Variants in PCGF5 observed in about 807,000 individuals in gnomAD.
PCGF5 encodes the protein polycomb group RING finger protein 5.
Under a neutral mutation model 44.3 loss-of-function variants are expected in PCGF5, and 9 were observed. The observed-to-expected ratio is 0.20, with a 90% CI of 0.12 to 0.35. The LOEUF (loss-of-function observed/expected upper bound fraction) is 0.35. PCGF5 is among the 10% of genes least tolerant of loss of function. The probability of loss-of-function intolerance (pLI) is 1.00; values close to 1 mark genes in which losing one functional copy is unlikely to be tolerated. For synonymous variants in PCGF5, 95 were observed against 102.5 expected, an observed-to-expected ratio of 0.93 and a Z score of 0.44; for missense variants, 146 against 305.3, an observed-to-expected ratio of 0.48 and a Z score of 3.89.
At chr10:91,202,091 G>A (rs754243577) in intron 1 of PCGF5, among the ~76,000 whole-genome samples, 37 of 152,168 alleles carry the variant, frequency 2.4e-4, no homozygotes, top group Admixed American at 1.2e-3. Context: ...TTCCCAAATT[G>A]AGAAGAATAA....
chr10:91,222,795 G>A lies in PCGF5; in HGVS notation c.-77G>A, dbSNP rs952104427. The stretch of plus-strand genomic sequence containing the variant: ...ACATCCTACTGGGAACGACACACCA[G>A]CTCCTGGGATCAGACTTTCATCTAC... On this transcript the variant is annotated 5_prime_UTR_variant, in exon 2 of 10. Coordinates refer to ENST00000336126, the MANE Select transcript of PCGF5 (RefSeq NM_032373.5). The A allele has an allele frequency of 6.2e-6, 5 of 801,030 alleles. No individual in the cohort carries two copies. Among genetic ancestry groups the A allele is most frequent in the Non-Finnish European group, 1.1e-5 (5 of 472,636 alleles). The allele number at this position is 801,030 out of a possible 1,614,324, so 49.6% of individuals were successfully genotyped here.
chr10:91,256,637 G>A (rs1436039431), intron 6 of PCGF5, among the ~76,000 whole-genome samples: 1 of 151,990 alleles, frequency 6.6e-6, no homozygotes, highest in Non-Finnish European at 1.5e-5. Flanking sequence ...TTCATACCTA[G>A]GCACATCATA....
At chr10:91,221,885 A>C (rs1354203581) in intron 1 of PCGF5, among the ~76,000 whole-genome samples, 1 of 152,222 alleles carries the variant, frequency 6.6e-6, no homozygotes, top group Admixed American at 6.5e-5. Flanking sequence ...GGAAAGAAGT[A>C]AGCATTAAAA....
chr10:91,183,380 G>A (rs1564627284), intron 1 of PCGF5, among the ~76,000 whole-genome samples: 1 of 150,464 alleles, frequency 6.6e-6, no homozygotes, highest in East Asian at 1.9e-4. Flanking sequence ...TTGTTTTAAA[G>A]TCTGTTTTGG....
intron 2 of PCGF5, among the ~76,000 whole-genome samples, chr10:91,229,605 TA>T (rs1844946031): frequency 6.6e-6 from 1 of 152,170 alleles, no homozygotes. Flanking sequence ...CTTTATTTTC[TA>T]AAAATTTTTA....
At chr10:91,238,601 CTTTTTTTTTTTTT>C (rs71487496) in intron 2 of PCGF5, among the ~76,000 whole-genome samples, 223 of 58,506 alleles carry the variant, frequency 3.8e-3, no homozygotes, top group African/African-American at 0.014. Context: ...TTCTTTCTTT[CTTTTTTTTTTTTT>C]TTTTTTTTTT....
At chr10:91,160,272 A>G (rs1171576929), upstream of PCGF5, among the ~76,000 whole-genome samples, 1 of 152,114 alleles carries the variant, frequency 6.6e-6, no homozygotes, top group Admixed American at 6.6e-5. Context: ...GGGCGTTGGG[A>G]TTTGGGCGAA....
chr10:91,240,623 T>C, intron 3 of PCGF5, 43 bp downstream of exon 3: 1 of 1,279,226 alleles, frequency 7.8e-7, no homozygotes, highest in Non-Finnish European at 1.1e-6. Flanking sequence ...TTACATAAAT[T>C]GAATAGGCTC....
chr10:91,159,991 T>C (rs772016172), upstream of PCGF5, among the ~76,000 whole-genome samples: 1 of 152,220 alleles, frequency 6.6e-6, no homozygotes, highest in East Asian at 1.9e-4. Context: ...ATCATATCTA[T>C]ATTTAATACG....
chr10:91,193,914 C>T (rs545518191), intron 1 of PCGF5, among the ~76,000 whole-genome samples: 1 of 152,050 alleles, frequency 6.6e-6, no homozygotes, highest in Admixed American at 6.5e-5. Context: ...GTGTTAAAGA[C>T]GAAGTCCATT....
At chr10:91,190,749 C>A (rs938327700) in intron 1 of PCGF5, among the ~76,000 whole-genome samples, 1 of 152,170 alleles carries the variant, frequency 6.6e-6, no homozygotes, top group Admixed American at 6.5e-5. Flanking sequence ...AACAAATGAG[C>A]TGTTGCTTTA....
chr10:91,156,611 G>C, the PCGF5 span, among the ~76,000 whole-genome samples: 1 of 152,168 alleles, frequency 6.6e-6, no homozygotes, highest in African/African-American at 2.4e-5. Context: ...GCCCGAGTCA[G>C]AGATTGCCTG....
At position 91,181,354 on chromosome 10, in the gene PCGF5, G is replaced by A. The variant is rs1441887905; in HGVS notation, c.-184+18273G>A. Among the ~76,000 whole-genome samples the A allele has an allele frequency of 5.3e-5, 8 of 152,080 alleles. No homozygotes were observed. In the South Asian group the frequency reaches 6.2e-4, roughly 12 times the overall value. On this transcript the variant is annotated intron_variant, in intron 1 of 9. Transcript: ENST00000614189. ...TATTTGAATGCACTTTATTTCTTTC[G>A]GTTGTCTAATTGCCCTGGCCGGAAC...
intron 1 of PCGF5, among the ~76,000 whole-genome samples, chr10:91,208,952 G>A (rs1263806229): frequency 6.6e-6 from 1 of 152,212 alleles, no homozygotes; most frequent in African/African-American, 2.4e-5. Context: ...CTCTACAGGA[G>A]TGTGAGCTTT....
chr10:91,262,770 G>A (rs1845954253), intron 7 of PCGF5, among the ~76,000 whole-genome samples: 1 of 152,168 alleles, frequency 6.6e-6, no homozygotes, highest in Non-Finnish European at 1.5e-5. Flanking sequence ...AAAGCCCAAT[G>A]TACTTGGTAA....
In PCGF5 at chr10:91,278,568, A is replaced by C; in HGVS notation, c.*252A>C. On this transcript the variant is annotated 3_prime_UTR_variant, in exon 10 of 10. Transcript: ENST00000336126. Reference sequence around the variant, plus strand: ...TCTCAAAGTGTGCAAGTCATGGTAAAAATCAGTTAGCTGTGCCGCCATGAT... The same window carrying C: ...TCTCAAAGTGTGCAAGTCATGGTAACAATCAGTTAGCTGTGCCGCCATGAT... 2.3e-6 allele frequency: 1 copy of C among 431,420 alleles called. No individual in the cohort carries two copies. 26.7% of individuals were successfully genotyped at this position (431,420 alleles called of 1,614,324 possible). A position where few individuals can be genotyped will look rare whatever the true frequency, so the allele number is the denominator to read the frequency against.
At chr10:91,177,240 T>C (rs189883957) in intron 1 of PCGF5, among the ~76,000 whole-genome samples, 129 of 152,300 alleles carry the variant, frequency 8.5e-4, no homozygotes, top group Admixed American at 1.9e-3. Context: ...GAACAGCAAA[T>C]GTTGCTGCCT....
At chr10:91,216,754 A>G (rs373035452), upstream of PCGF5, among the ~76,000 whole-genome samples, 2 of 152,212 alleles carry the variant, frequency 1.3e-5, no homozygotes, top group East Asian at 1.9e-4. Flanking sequence ...AGTAAGAGAA[A>G]GACATGGTCA....
intron 2 of PCGF5, among the ~76,000 whole-genome samples, chr10:91,229,244 A>G (rs1028311309): frequency 6.6e-6 from 1 of 152,238 alleles, no homozygotes; most frequent in Non-Finnish European, 1.5e-5. Context: ...TAAATAGAAC[A>G]GGCATAGTCT....
Sources: gnomAD v4.1 joint callset for allele counts (sites outside exome capture counted in the v4.1 genomes callset) on GRCh38, gnomAD v4.1.1 for gene constraint, MANE v1.5 for transcripts, NCBI Gene and HGNC (gene_info 2026-07-23, HGNC 2026-07-21) for gene names.